The following SLC7A14 variants were observed in gnomAD, a reference collection of about 807,000 sequenced individuals.
The protein encoded by SLC7A14 is gamma-aminobutyric acid transporter SLC7A14.
SLC7A14 carries 37 observed loss-of-function variants against 60.2 expected under a neutral mutation model. That is an observed-to-expected ratio of 0.61 (90% CI 0.47 to 0.81). The LOEUF is 0.81. Among genes scored for constraint, SLC7A14 ranks in the 30% least tolerant of loss-of-function variants. The probability of loss-of-function intolerance (pLI) is 0.00; values close to 1 mark genes in which losing one functional copy is unlikely to be tolerated. For synonymous variants in SLC7A14, 399 were observed against 395.8 expected, an observed-to-expected ratio of 1.01 and a Z score of -0.10; for missense variants, 886 against 982.7, an observed-to-expected ratio of 0.90 and a Z score of 1.32.
rs145076813 is a variant in SLC7A14 at position 170,464,448 on chromosome 3, A to G, written c.*2607T>C. On this transcript the variant is annotated 3_prime_UTR_variant, in exon 8 of 8. Coordinates refer to ENST00000231706, the MANE Select transcript of SLC7A14 (RefSeq NM_020949.3). ...AGTAATATTGTCATTGTAGTGATTG[A>G]TGGTATTTGAAAACTGCATTGTAAA... The G allele has an allele frequency of 1.6e-3, 240 of 152,358 alleles. No individual in the cohort carries two copies. Among genetic ancestry groups the G allele is most frequent in the African/African-American group, 5.1e-3 (212 of 41,584 alleles). 9.4% of individuals were successfully genotyped at this position (152,358 alleles called of 1,614,324 possible).
chr3:170,486,492 G>A, intron 4 of SLC7A14, 124 bp from the exon 5 acceptor site: 2 of 1,244,404 alleles, frequency 1.6e-6, no homozygotes, highest in Non-Finnish European at 2.3e-6. Context: ...GTAACATGGT[G>A]GAACTCGTGC....
At chr3:170,570,142 A>T (rs558915716) in intron 1 of SLC7A14, 1 of 152,158 alleles carries the variant, frequency 6.6e-6, no homozygotes, top group Non-Finnish European at 1.5e-5. Flanking sequence ...TTGCCTAAAG[A>T]GGAGAAAATC....
intron 2 of SLC7A14, among the ~76,000 whole-genome samples, chr3:170,511,536 G>A (rs1210802606): frequency 1.3e-5 from 2 of 152,136 alleles, no homozygotes; most frequent in East Asian, 1.9e-4. Context: ...ATGAGTCATC[G>A]AAGGACAGGT....
intron 7 of SLC7A14, among the ~76,000 whole-genome samples, chr3:170,472,872 GAGA>G (rs907379599): frequency 2.0e-5 from 3 of 152,156 alleles, no homozygotes; most frequent in African/African-American, 7.2e-5. Context: ...ATGTGTCTAT[GAGA>G]AGTTCAGGCT....
intron 1 of SLC7A14, among the ~76,000 whole-genome samples, chr3:170,563,967 A>G (rs1714728961): frequency 1.3e-5 from 2 of 152,318 alleles, no homozygotes; most frequent in South Asian, 4.1e-4. Flanking sequence ...TCAGTAAATA[A>G]TTCCAGCCTT....
In SLC7A14 at chr3:170,465,874, A is replaced by C. The variant is rs1739705094; in HGVS notation, c.*1181T>G. Reference sequence around the variant, plus strand: ...TTTTAATAGCCCCTTTTATGGCCCAAATTTACATCTTACCAGGTAGATATT... The same window carrying C: ...TTTTAATAGCCCCTTTTATGGCCCACATTTACATCTTACCAGGTAGATATT... On this transcript the variant is annotated 3_prime_UTR_variant, in exon 8 of 8. Coordinates refer to ENST00000231706, the MANE Select transcript of SLC7A14 (RefSeq NM_020949.3). The C allele has an allele frequency of 6.6e-6, 1 of 152,108 alleles. No homozygotes were observed. Among genetic ancestry groups the C allele is most frequent in the Non-Finnish European group, 1.5e-5 (1 of 68,014 alleles). 9.4% of individuals were successfully genotyped at this position (152,108 alleles called of 1,614,324 possible).
chr3:170,556,584 G>T (rs939333007), intron 1 of SLC7A14, among the ~76,000 whole-genome samples: 1 of 152,130 alleles, frequency 6.6e-6, no homozygotes, highest in Admixed American at 6.5e-5. Context: ...AATCACTTAG[G>T]CCTCATGTGG....
chr3:170,535,704 G>A lies in SLC7A14; in HGVS notation c.-152-8616C>T, dbSNP rs1713816227. Among the ~76,000 whole-genome samples the A allele has an allele frequency of 6.6e-6, 1 of 152,152 alleles. No homozygotes were observed. Among genetic ancestry groups the A allele is most frequent in the African/African-American group, 2.4e-5 (1 of 41,448 alleles). ...TAGCTTCCCTTTGCCAGGTCACTGT[G>A]GGTTGGCTGTGGCTCCAGCCAGGTG... On this transcript the variant is annotated intron_variant, in intron 1 of 7. Transcript: ENST00000231706. The surrounding 1 kb of genome is among the most constrained non-coding windows in gnomAD (Gnocchi z 4.3).
rs1026398939 is a variant in SLC7A14, at chr3:170,460,461, G to A, written c.*6594C>T. On this transcript the variant is annotated 3_prime_UTR_variant, in exon 8 of 8. Transcript: ENST00000231706. Reference sequence around the variant, plus strand: ...TAACAGCATCTTTGCTTTGGAAAGTGGGGGTTTATGATTTCTAGGGTAAAT... The same window carrying A: ...TAACAGCATCTTTGCTTTGGAAAGTAGGGGTTTATGATTTCTAGGGTAAAT... The A allele has an allele frequency of 1.3e-5, 2 of 152,016 alleles. No individual in the cohort carries two copies. The highest frequency in any genetic ancestry group is 4.8e-5 in the African/African-American group (2 of 41,418). The allele number at this position is 152,016 out of a possible 1,614,324, so 9.4% of individuals were successfully genotyped here. A position where few individuals can be genotyped will look rare whatever the true frequency, so the allele number is the denominator to read the frequency against.
chr3:170,539,346 C>T (rs574418847), intron 1 of SLC7A14, among the ~76,000 whole-genome samples: 1 of 152,220 alleles, frequency 6.6e-6, no homozygotes, highest in South Asian at 2.1e-4. Context: ...AGAGAGAGGT[C>T]CTCCTGGGCC....
intron 4 of SLC7A14, among the ~76,000 whole-genome samples, chr3:170,497,752 A>T (rs939007896): frequency 6.6e-6 from 1 of 152,254 alleles, no homozygotes; most frequent in Non-Finnish European, 1.5e-5. Context: ...TAGTCATCCT[A>T]GAGAAAGAAA....
chr3:170,551,075 A>G (rs6792927), intron 1 of SLC7A14, among the ~76,000 whole-genome samples: 51,194 of 151,898 alleles, frequency 0.34, 8,886 homozygotes, highest in East Asian at 0.45. Context: ...AACTCCTGGT[A>G]ACCACTAATC....
At chr3:170,547,508 A>G (rs931990702) in intron 1 of SLC7A14, among the ~76,000 whole-genome samples, 2 of 152,222 alleles carry the variant, frequency 1.3e-5, no homozygotes, top group Non-Finnish European at 2.9e-5. Context: ...AAAATAAGCT[A>G]GAGAAGAAAA....
chr3:170,481,205 A>G, intron 6 of SLC7A14, 39 bp from the exon 7 acceptor site: 4 of 1,576,562 alleles, frequency 2.5e-6, no homozygotes, highest in African/African-American at 2.7e-5. Flanking sequence ...ATGGTGAGCT[A>G]CAGTGACCGA....
intron 2 of SLC7A14, among the ~76,000 whole-genome samples, chr3:170,519,604 C>T (rs946658957): frequency 1.3e-5 from 2 of 152,112 alleles, no homozygotes; most frequent in African/African-American, 4.8e-5. Flanking sequence ...GATGAAACCC[C>T]GTCTCTACTA....
chr3:170,472,902 C>T (rs537782342), intron 7 of SLC7A14, among the ~76,000 whole-genome samples: 4 of 152,160 alleles, frequency 2.6e-5, no homozygotes, highest in Non-Finnish European at 5.9e-5. Context: ...GATCAAGAAT[C>T]ATGCCTTTAG....
chr3:170,514,887 C>T (rs1560265849), intron 2 of SLC7A14, among the ~76,000 whole-genome samples: 1 of 152,316 alleles, frequency 6.6e-6, no homozygotes. Flanking sequence ...ACTTTACATA[C>T]AAAAACTTAA....
At chr3:170,511,126 G>A (rs73882028) in intron 2 of SLC7A14, among the ~76,000 whole-genome samples, 3,320 of 152,222 alleles carry the variant, frequency 0.022, 125 homozygotes, top group African/African-American at 0.074. Flanking sequence ...CAAATAGGCC[G>A]GGTGCAGTGG....
At chr3:170,540,302 TAAA>T (rs1204105483) in intron 1 of SLC7A14, among the ~76,000 whole-genome samples, 4 of 152,288 alleles carry the variant, frequency 2.6e-5, no homozygotes, top group Admixed American at 1.3e-4. Flanking sequence ...ATTAAAATAT[TAAA>T]ATTTAGTTAG....
Sources: gnomAD v4.1 joint callset for allele counts (sites outside exome capture counted in the v4.1 genomes callset) on GRCh38, gnomAD v4.1.1 for gene constraint, Gnocchi (gnomAD v3.1) non-coding constraint, MANE v1.5 for transcripts, NCBI Gene and HGNC (gene_info 2026-07-23, HGNC 2026-07-21) for gene names.